Variants in PZP observed in about 807,000 individuals in gnomAD.
The protein encoded by PZP is pregnancy zone protein.
Under a neutral mutation model 179.8 loss-of-function variants are expected in PZP, and 150 were observed. The observed-to-expected ratio is 0.83, with a 90% CI of 0.73 to 0.96. The LOEUF (loss-of-function observed/expected upper bound fraction) is 0.96. PZP is among the 40% of genes least tolerant of loss of function. The pLI is 0.00. For synonymous variants in PZP, 624 were observed against 652.3 expected (o/e 0.96, Z 0.66); for missense variants, 1,689 against 1,764.0 (o/e 0.96, Z 0.76).
chr12:9,197,197 G>C, intron 7 of PZP, 74 bp from the exon 8 acceptor site: 1 of 1,014,234 alleles, frequency 9.9e-7, no homozygotes, highest in African/African-American at 1.6e-5. Context: ...CCACAGAACT[G>C]TCCCTCTTTA....
downstream of PZP, among the ~76,000 whole-genome samples, chr12:9,144,101 T>A (rs892925189): frequency 6.6e-6 from 1 of 152,132 alleles, no homozygotes; most frequent in African/African-American, 2.4e-5. Flanking sequence ...GCTGGATTAG[T>A]GTCCAATATT....
chr12:9,163,377 C>T (rs976789810), intron 21 of PZP, among the ~76,000 whole-genome samples: 15 of 151,300 alleles, frequency 9.9e-5, no homozygotes, highest in African/African-American at 2.4e-4. Flanking sequence ...GGCATGAACC[C>T]GGGAGGCAGA....
intron 4 of PZP, 48 bp downstream of exon 4, chr12:9,202,271 G>A: frequency 6.8e-7 from 1 of 1,478,188 alleles, no homozygotes; most frequent in East Asian, 2.3e-5. Context: ...CTCTGGGTGA[G>A]TATTCCCACT....
At chr12:9,202,099 A>G (rs1446114227) in intron 4 of PZP, among the ~76,000 whole-genome samples, 1 of 152,184 alleles carries the variant, frequency 6.6e-6, no homozygotes, top group African/African-American at 2.4e-5. Flanking sequence ...AAATGCAGCT[A>G]TTGCCAGACT....
At chr12:9,154,957 C>A in intron 28 of PZP, 118 bp from the exon 29 acceptor site, 1 of 1,046,338 alleles carries the variant, frequency 9.6e-7, no homozygotes, top group Non-Finnish European at 1.4e-6. Context: ...GAAGCAAGGT[C>A]TTCTATGTCA....
intron 7 of PZP, 107 bp from the exon 8 acceptor site, chr12:9,197,230 A>G (rs960191066): frequency 8.5e-6 from 6 of 709,738 alleles, no homozygotes; most frequent in Non-Finnish European, 1.2e-5. Context: ...CATCTTTATC[A>G]TCTGGGTGCC....
chr12:9,160,708 A>C (rs7968679), intron 23 of PZP, among the ~76,000 whole-genome samples: 1 of 151,964 alleles, frequency 6.6e-6, no homozygotes, highest in Non-Finnish European at 1.5e-5. Flanking sequence ...AGGTCAGGAT[A>C]TCGAGACCAT....
At chr12:9,145,631 CCAAT>C (rs970389754), downstream of PZP, among the ~76,000 whole-genome samples, 3 of 152,262 alleles carry the variant, frequency 2.0e-5, no homozygotes, top group East Asian at 3.9e-4. Context: ...TTTGCCTTTG[CCAAT>C]CAGTTTCATA....
In PZP at chr12:9,169,423, A is replaced by AT; in HGVS notation, c.2001+6dup. ...GCCAGCATGTTAATAAGTAGTGAGA[A>AT]TTTTACCTTGAGGAAGCTATAAATA... On this transcript the variant is annotated splice_region_variant and intron_variant, in intron 16 of 35. Coordinates refer to ENST00000261336, the MANE Select transcript of PZP (RefSeq NM_002864.3). The AT allele has an allele frequency of 1.3e-6, 2 of 1,585,224 alleles. No individual in the cohort carries two copies. Among genetic ancestry groups the AT allele is most frequent in the Non-Finnish European group, 1.7e-6 (2 of 1,165,366 alleles).
At position 9,186,884 on chromosome 12, in the gene PZP, A is replaced by G. The variant is rs373151296; in HGVS notation, c.1547-4767T>C. 2.3e-4 allele frequency among the ~76,000 whole-genome samples: 35 copies of G among 152,080 alleles called. 1 individual carries two copies. The East Asian group carries it at 2.9e-3, about 13-fold the overall frequency. ...GGGCTGGGGGAGGGATAGCATTAGG[A>G]GAAATACCTAATATAGATGACAGGC... On this transcript the variant is annotated intron_variant, in intron 13 of 35. Coordinates refer to ENST00000261336, the MANE Select transcript of PZP (RefSeq NM_002864.3).
At chr12:9,153,946 T>A (rs1940551790) in intron 29 of PZP, among the ~76,000 whole-genome samples, 2 of 152,192 alleles carry the variant, frequency 1.3e-5, no homozygotes, top group African/African-American at 4.8e-5. Flanking sequence ...TTCAAGAGCT[T>A]CAGCTTAAAA....
At chr12:9,189,083 T>G (rs932027956) in intron 13 of PZP, among the ~76,000 whole-genome samples, 1 of 152,222 alleles carries the variant, frequency 6.6e-6, no homozygotes, top group African/African-American at 2.4e-5. Context: ...CAAAGCAATT[T>G]ATAGATTTAA....
chr12:9,207,597 C>T (rs1046011692), intron 1 of PZP, among the ~76,000 whole-genome samples: 1 of 152,164 alleles, frequency 6.6e-6, no homozygotes, highest in Non-Finnish European at 1.5e-5. Flanking sequence ...GGCTAAACTT[C>T]AACAGTGCAT....
chr12:9,184,207 A>C (rs1195490378), intron 13 of PZP, among the ~76,000 whole-genome samples: 1 of 152,172 alleles, frequency 6.6e-6, no homozygotes, highest in African/African-American at 2.4e-5. Flanking sequence ...CTCCTACCAC[A>C]CAGCCACTGA....
intron 13 of PZP, among the ~76,000 whole-genome samples, chr12:9,185,952 C>T (rs1024907835): frequency 5.9e-5 from 9 of 151,710 alleles, no homozygotes; most frequent in South Asian, 2.1e-4. Flanking sequence ...GGACTACAGG[C>T]GTGCACCATC....
chr12:9,177,239 C>G lies in PZP; in HGVS notation c.1839+3744G>C, dbSNP rs1942433675. On this transcript the variant is annotated intron_variant, in intron 15 of 35. Coordinates refer to ENST00000261336, the MANE Select transcript of PZP (RefSeq NM_002864.3). ...TTAGCACTCTTGGAACGCATTAGCT[C>G]TCTTGGATCACATGCTCTGGAGAAA... Among the ~76,000 whole-genome samples the G allele has an allele frequency of 2.0e-5, 3 of 152,332 alleles. No individual in the cohort carries two copies. The South Asian group carries it at 6.2e-4, about 32-fold the overall frequency.
chr12:9,200,792 C>G (rs1284431531), intron 6 of PZP, 100 bp downstream of exon 6: 18 of 1,272,954 alleles, frequency 1.4e-5, no homozygotes, highest in Non-Finnish European at 1.9e-5. Context: ...TCTGACTCTA[C>G]TGCAAGTTCA....
At chr12:9,189,993 C>T (rs1253589912) in intron 13 of PZP, among the ~76,000 whole-genome samples, 1 of 151,896 alleles carries the variant, frequency 6.6e-6, no homozygotes, top group African/African-American at 2.4e-5. Flanking sequence ...CAAAAAATAA[C>T]AGATGTTGGC....
chr12:9,206,823 G>A (rs1372317569), intron 1 of PZP, among the ~76,000 whole-genome samples: 1 of 152,068 alleles, frequency 6.6e-6, no homozygotes, highest in Admixed American at 6.6e-5. Context: ...ATGGCAGCAT[G>A]GTCCAATGTA....
Sources: allele counts gnomAD v4.1 joint callset (sites outside exome capture counted in the v4.1 genomes callset), GRCh38; gene constraint gnomAD v4.1.1; transcripts MANE v1.5; gene names NCBI Gene and HGNC (gene_info 2026-07-23, HGNC 2026-07-21).